Variants in SHOX2 observed in about 807,000 individuals in gnomAD.
SHOX2 encodes the protein SHOX homeobox 2.
Under a neutral mutation model 31.3 loss-of-function variants are expected in SHOX2, and 13 were observed. The observed-to-expected ratio is 0.42, with a 90% CI of 0.27 to 0.66. SHOX2 has a LOEUF of 0.66. SHOX2 is among the 30% of genes least tolerant of loss of function. The pLI, the probability that SHOX2 is intolerant of heterozygous loss-of-function variation, is 0.27. For missense variants in SHOX2, 473 were observed against 443.0 expected (o/e 1.07, Z -0.61); for synonymous variants, 244 against 196.2 (o/e 1.24, Z -2.04).
At position 158,106,013 on chromosome 3, in the gene SHOX2, A is replaced by T. The variant is rs1444643706; in HGVS notation, c.12T>A (p.Leu4=). 1.2e-6 allele frequency: 2 copies of T among 1,612,628 alleles called. No individual in the cohort carries two copies. Among genetic ancestry groups the T allele is most frequent in the Non-Finnish European group, 1.7e-6 (2 of 1,179,546 alleles). Residue 4 remains leucine (L), a synonymous_variant, in exon 1 of 5, where the codon CTT becomes CTA. Transcript: ENST00000483851. ...CAAAAGACTTGGAGACGAACGCCGTAAGTTCTTCCATCGCCGCCGCACGTC... is the reference window on the plus strand; with the variant it reads ...CAAAAGACTTGGAGACGAACGCCGTTAGTTCTTCCATCGCCGCCGCACGTC... The part of the protein sequence containing the change: MEE[L]TAFVSKSFDQ...
chr3:158,098,171 C>G lies in SHOX2; in HGVS notation c.816G>C (p.Leu272=), dbSNP rs1713251092. The G allele has an allele frequency of 1.9e-6, 3 of 1,613,392 alleles. No homozygotes were observed. The highest frequency in any genetic ancestry group is 1.1e-5 in the South Asian group (1 of 91,040). Residue 272 remains leucine, a synonymous_variant, in exon 5 of 5, where the codon CTG becomes CTC. Coordinates refer to ENST00000483851, the MANE Select transcript of SHOX2 (RefSeq NM_001163678.2). ...YMMFPAPPFG[L]PLATLAADSA... is the part of the protein sequence containing the mutation. Reference sequence around the variant, plus strand: ...AATCCGCGGCCAGCGTGGCGAGCGGCAGTCCGAAGGGCGGTGCTGGGAACA... The same window carrying G: ...AATCCGCGGCCAGCGTGGCGAGCGGGAGTCCGAAGGGCGGTGCTGGGAACA...
chr3:158,105,438 G>C, intron 1 of SHOX2: 1 of 592,794 alleles, frequency 1.7e-6, no homozygotes, highest in East Asian at 2.8e-5. Context: ...TGGGAAGGGC[G>C]CGCACAAACC....
intron 1 of SHOX2, 128 bp downstream of exon 1, chr3:158,105,551 A>C: frequency 1.2e-6 from 1 of 810,510 alleles, no homozygotes; most frequent in Non-Finnish European, 1.9e-6. Flanking sequence ...CTAGCTGACA[A>C]AGCTGGGGTC....
At chr3:158,104,579 A>G (rs552712859) in intron 1 of SHOX2, among the ~76,000 whole-genome samples, 3 of 152,348 alleles carry the variant, frequency 2.0e-5, no homozygotes, top group Non-Finnish European at 2.9e-5. Flanking sequence ...AATTCTGCCA[A>G]TGAGGTGGGA....
chr3:158,100,931 A>T (rs562910630), intron 2 of SHOX2, among the ~76,000 whole-genome samples: 7 of 152,366 alleles, frequency 4.6e-5, no homozygotes, highest in Non-Finnish European at 1.0e-4. Context: ...ATAGTAGGAA[A>T]ACATCTAGAA....
At position 158,105,743 on chromosome 3, in the gene SHOX2, G is replaced by A. The variant is rs1397421227; in HGVS notation, c.282C>T (p.Val94=). 68 of 1,520,632 alleles carry A rather than the reference G, an allele frequency of 4.5e-5. No individual in the cohort carries two copies. Among genetic ancestry groups the A allele is most frequent in the Non-Finnish European group, 6.0e-5 (68 of 1,135,374 alleles). The allele number at this position is 1,520,632 out of a possible 1,614,324, so 94.2% of individuals were successfully genotyped here. ...CGGCGGCGCCCATGTCCAGCTCCCG[G>A]ACGGGAGAGCGCCCTCCTCCAGCTC... The part of the protein sequence containing the change: ...GGGAGGGRSP[V]RELDMGAAER... The change falls in exon 1 of 5, where the codon GTC becomes GTT. Residue 94 remains valine (V), a synonymous_variant. Coordinates refer to ENST00000483851, the MANE Select transcript of SHOX2 (RefSeq NM_001163678.2).
At position 158,097,951 on chromosome 3, in the gene SHOX2, G is replaced by A; in HGVS notation, c.*76C>T. ...GCTCCCGAGGTCTCAAAGGGGTAACGGAGAAGCAGCGGGGCGCGGAGGGCG... is the reference window on the plus strand; with the variant it reads ...GCTCCCGAGGTCTCAAAGGGGTAACAGAGAAGCAGCGGGGCGCGGAGGGCG... On this transcript the variant is annotated 3_prime_UTR_variant, in exon 5 of 5. Coordinates refer to ENST00000483851, the MANE Select transcript of SHOX2 (RefSeq NM_001163678.2). 1 of 1,522,464 alleles carries A rather than the reference G, an allele frequency of 6.6e-7. No homozygotes were observed. Among genetic ancestry groups the A allele is most frequent in the Middle Eastern group, 2.4e-4 (1 of 4,134 alleles). The allele number at this position is 1,522,464 out of a possible 1,614,324, so 94.3% of individuals were successfully genotyped here.
Position 158,099,961 on chromosome 3 carries a change from C to A in SHOX2, c.614-13G>T, listed in dbSNP as rs537722270. 1.5e-5 allele frequency: 24 copies of A among 1,609,394 alleles called. No individual in the cohort carries two copies. The Middle Eastern group carries it at 4.9e-4, about 33-fold the overall frequency. Reference sequence around the variant, plus strand: ...CCTATGAGAACACCTGTAAAAAGTACAAGAGAAAAATAATGTGAGGTTAAC... The same window carrying A: ...CCTATGAGAACACCTGTAAAAAGTAAAAGAGAAAAATAATGTGAGGTTAAC... On this transcript the variant is annotated splice_polypyrimidine_tract_variant and intron_variant, in intron 3 of 4. Transcript: ENST00000483851.
chr3:158,103,231 G>C (rs1713629459), intron 1 of SHOX2: 1 of 379,678 alleles, frequency 2.6e-6, no homozygotes, highest in Non-Finnish European at 5.0e-6. Context: ...ACTCACTTTC[G>C]CACTCACTTG....
intron 3 of SHOX2, 53 bp downstream of exon 3, chr3:158,100,201 A>T: frequency 7.3e-7 from 1 of 1,372,832 alleles, no homozygotes. Flanking sequence ...AGTAATATTC[A>T]CTACTTCTCT....
At chr3:158,098,980 T>C (rs1713311240) in intron 4 of SHOX2, among the ~76,000 whole-genome samples, 1 of 152,168 alleles carries the variant, frequency 6.6e-6, no homozygotes, top group African/African-American at 2.4e-5. Flanking sequence ...TTCTCTCTTG[T>C]TTCCAAAGCC....
rs552536554 is a variant in SHOX2, at chr3:158,106,109, C to T, written c.-85G>A. 7.0e-6 allele frequency: 11 copies of T among 1,579,596 alleles called. No individual in the cohort carries two copies. The highest frequency in any genetic ancestry group is 2.5e-5 in the East Asian group (1 of 40,780). On this transcript the variant is annotated 5_prime_UTR_variant, in exon 1 of 5. Coordinates refer to ENST00000483851, the MANE Select transcript of SHOX2 (RefSeq NM_001163678.2). The stretch of plus-strand genomic sequence containing the variant: ...CTTCTTCTTTTTTTACTGCTCCAGC[C>T]CCCCCAATAATAACACATCAATGGG...
intron 2 of SHOX2, among the ~76,000 whole-genome samples, chr3:158,101,272 A>G (rs1310716802): frequency 6.6e-6 from 1 of 152,234 alleles, no homozygotes; most frequent in East Asian, 1.9e-4. Context: ...AGCAAGTGTC[A>G]TAGTCAATGT....
At chr3:158,100,185 T>C in intron 3 of SHOX2, 69 bp downstream of exon 3, 7 of 1,289,740 alleles carry the variant, frequency 5.4e-6, no homozygotes, top group Non-Finnish European at 7.6e-6. Flanking sequence ...TTTCTGTCAT[T>C]GTAATAGTAA....
Position 158,102,858 on chromosome 3 carries a change from C to G in SHOX2, c.375G>C (p.Glu125Asp). ...CTTCGTCCTCCATCCCTTTCGCATC[C>G]TCTTTGCGATCTTTCAGCTCCGGGG... ...EVSPELKDRK[E>D]DAKGMEDEGQ... Residue 125 changes from glutamate to aspartate, a missense_variant, in exon 2 of 5, where the codon GAG becomes GAC. Around this residue, in one of 3 missense-constraint regions of SHOX2, gnomAD observed 276 missense variants for 230.0 expected, o/e 1.20. Coordinates refer to ENST00000483851, the MANE Select transcript of SHOX2 (RefSeq NM_001163678.2). 2 of 1,614,074 alleles carry G rather than the reference C, an allele frequency of 1.2e-6. No individual in the cohort carries two copies. The highest frequency in any genetic ancestry group is 1.7e-6 in the Non-Finnish European group (2 of 1,180,028).
intron 4 of SHOX2, among the ~76,000 whole-genome samples, chr3:158,099,126 A>G (rs1406578399): frequency 1.3e-5 from 2 of 152,188 alleles, no homozygotes; most frequent in African/African-American, 4.8e-5. Flanking sequence ...ATGACATCAC[A>G]GGCATGCCAA....
rs1553753177 is a variant in SHOX2 at position 158,096,443 on chromosome 3, A to AAC, written c.*1583_*1584insGT. On this transcript the variant is annotated 3_prime_UTR_variant, in exon 5 of 5. Transcript: ENST00000483851. ...AAAACAAAAAAGAAACAAACAAACA[A>AAC]AAAAAAAAGGTTACTTGAATAGATA... 6.8e-6 allele frequency: 1 copy of AAC among 147,732 alleles called. No individual in the cohort carries two copies. Among genetic ancestry groups the AAC allele is most frequent in the African/African-American group, 2.7e-5 (1 of 37,644 alleles). The allele number at this position is 147,732 out of a possible 1,614,324, so 9.2% of individuals were successfully genotyped here. A position where few individuals can be genotyped will look rare whatever the true frequency, so the allele number is the denominator to read the frequency against.
intron 2 of SHOX2, 127 bp downstream of exon 2, chr3:158,102,551 T>C: frequency 1.4e-6 from 1 of 717,484 alleles, no homozygotes; most frequent in Non-Finnish European, 2.4e-6. Context: ...CTAGTAAAGA[T>C]ATCTCTTTCC....
chr3:158,101,368 C>T (rs985446772), intron 2 of SHOX2, among the ~76,000 whole-genome samples: 4 of 152,168 alleles, frequency 2.6e-5, no homozygotes, highest in African/African-American at 9.7e-5. Flanking sequence ...TTCACATGGC[C>T]TGAGGCTTCT....
Sources: gnomAD v4.1 joint callset for allele counts (sites outside exome capture counted in the v4.1 genomes callset) on GRCh38, gnomAD v4.1.1 for gene constraint, gnomAD v4.1.1 regional missense constraint, MANE v1.5 for transcripts, NCBI Gene and HGNC (gene_info 2026-07-23, HGNC 2026-07-21) for gene names.